Variants in RBFOX1 observed in about 807,000 individuals in gnomAD.
RBFOX1 encodes RNA binding protein fox-1 homolog 1.
RBFOX1 carries 8 observed loss-of-function variants against 57.7 expected under a neutral mutation model. The observed-to-expected ratio is 0.14, with a 90% confidence interval of 0.08 to 0.25. The LOEUF (loss-of-function observed/expected upper bound fraction) is 0.25. RBFOX1 is among the 10% of genes least tolerant of loss of function. The probability of loss-of-function intolerance (pLI) is 1.00; values close to 1 mark genes in which losing one functional copy is unlikely to be tolerated. For synonymous variants in RBFOX1, 326 were observed against 222.4 expected (o/e 1.47, Z -4.15); for missense variants, 611 against 548.5 (o/e 1.11, Z -1.14).
At chr16:6,428,342 G>C (rs1036051294) in intron 2 of RBFOX1, among the ~76,000 whole-genome samples, 2 of 146,934 alleles carry the variant, frequency 1.4e-5, no homozygotes, top group East Asian at 2.0e-4. Context: ...TCCATACATT[G>C]ACTATTACCA....
chr16:5,697,469 C>A (rs1036570944), intron 3 of RBFOX1, among the ~76,000 whole-genome samples: 2 of 150,520 alleles, frequency 1.3e-5, no homozygotes, highest in Non-Finnish European at 3.0e-5. Flanking sequence ...ATTGCACGAG[C>A]TAGAGGACCA....
At chr16:6,297,130 A>T (rs1036604258) in intron 1 of RBFOX1, among the ~76,000 whole-genome samples, 1 of 152,154 alleles carries the variant, frequency 6.6e-6, no homozygotes, top group African/African-American at 2.4e-5. Context: ...GGTGAGGACC[A>T]CCAGAAGTCA....
chr16:5,275,616 G>A (rs2063121498), intron 1 of RBFOX1, among the ~76,000 whole-genome samples: 1 of 152,168 alleles, frequency 6.6e-6, no homozygotes, highest in African/African-American at 2.4e-5. Context: ...ACTGCCAAAA[G>A]CAGTTTACAA....
chr16:6,427,230 T>G (rs1325949462), intron 2 of RBFOX1, among the ~76,000 whole-genome samples: 1 of 152,246 alleles, frequency 6.6e-6, no homozygotes, highest in African/African-American at 2.4e-5. Flanking sequence ...TGGAATGTGC[T>G]TCTGCCCTCT....
intron 13 of RBFOX1, among the ~76,000 whole-genome samples, chr16:7,675,151 T>G (rs1049548437): frequency 4.6e-5 from 7 of 152,200 alleles, no homozygotes; most frequent in Admixed American, 1.3e-4. Context: ...TGTATCTTTC[T>G]GTGAACTTTA....
chr16:6,382,685 C>T (rs1355943814), intron 2 of RBFOX1, among the ~76,000 whole-genome samples: 1 of 152,080 alleles, frequency 6.6e-6, no homozygotes, highest in Non-Finnish European at 1.5e-5. Context: ...CCTGGTGAAA[C>T]CCCATCTTTA....
At chr16:7,283,376 A>C (rs1279717812) in intron 4 of RBFOX1, among the ~76,000 whole-genome samples, 2 of 152,070 alleles carry the variant, frequency 1.3e-5, no homozygotes, top group African/African-American at 2.4e-5. Flanking sequence ...TTGAACCAGC[A>C]TGGATCAGTG....
At chr16:6,934,444 A>G (rs938745821) in intron 3 of RBFOX1, among the ~76,000 whole-genome samples, 19 of 152,188 alleles carry the variant, frequency 1.2e-4, no homozygotes, top group African/African-American at 4.3e-4. Context: ...TTGCAGCACT[A>G]CTTAAAATAG....
intron 1 of RBFOX1, among the ~76,000 whole-genome samples, chr16:5,292,270 G>T (rs2063553545): frequency 6.6e-6 from 1 of 152,212 alleles, no homozygotes; most frequent in Non-Finnish European, 1.5e-5. Context: ...TCATTTGAAA[G>T]ATCCCAGCAA....
At chr16:5,507,234 C>G (rs1370658317) in intron 2 of RBFOX1, among the ~76,000 whole-genome samples, 1 of 152,156 alleles carries the variant, frequency 6.6e-6, no homozygotes, top group African/African-American at 2.4e-5. Flanking sequence ...GCCACCATGA[C>G]TGTCATCACT....
At chr16:5,496,508 C>T (rs2151684891) in intron 2 of RBFOX1, among the ~76,000 whole-genome samples, 1 of 152,282 alleles carries the variant, frequency 6.6e-6, no homozygotes, top group Non-Finnish European at 1.5e-5. Context: ...CTTTCCTCAT[C>T]TCTCGGTCGT....
At chr16:7,255,287 C>T (rs376160996) in intron 4 of RBFOX1, among the ~76,000 whole-genome samples, 3 of 152,152 alleles carry the variant, frequency 2.0e-5, no homozygotes, top group Non-Finnish European at 4.4e-5. Flanking sequence ...GTGCTATTTC[C>T]ATTCTATCAC....
chr16:7,051,520 C>A (rs2050075321), intron 3 of RBFOX1, among the ~76,000 whole-genome samples: 1 of 152,224 alleles, frequency 6.6e-6, no homozygotes, highest in Non-Finnish European at 1.5e-5. Context: ...GGATTGGCTT[C>A]ACAATTCTCC....
chr16:5,846,383 GT>G (rs1015407626), intron 3 of RBFOX1, among the ~76,000 whole-genome samples: 1 of 150,432 alleles, frequency 6.6e-6, no homozygotes, highest in African/African-American at 2.4e-5. Flanking sequence ...GGAAAGGAAG[GT>G]AACTTCTATT....
At chr16:7,044,727 C>T (rs925181447) in intron 3 of RBFOX1, among the ~76,000 whole-genome samples, 1 of 152,074 alleles carries the variant, frequency 6.6e-6, no homozygotes, top group Non-Finnish European at 1.5e-5. Flanking sequence ...TGTTAGTTTC[C>T]AAATGAAATG....
chr16:5,955,391 TAAAATAAAATAAAATAAAATAA>T (rs1567188061), intron 4 of RBFOX1, among the ~76,000 whole-genome samples: 1,447 of 73,470 alleles, frequency 0.02, 73 homozygotes, highest in East Asian at 0.079. Flanking sequence ...TAAAATAAAA[TAAAATAAAATAAAATAAAATAA>T]AAGTCTTTCC....
chr16:7,366,025 C>G (rs1456622384), intron 4 of RBFOX1, among the ~76,000 whole-genome samples: 1 of 152,204 alleles, frequency 6.6e-6, no homozygotes, highest in Non-Finnish European at 1.5e-5. Context: ...GTGTCAGAAA[C>G]TCCCAGGGAA....
chr16:6,464,264 A>G (rs965932361), intron 2 of RBFOX1, among the ~76,000 whole-genome samples: 2 of 152,198 alleles, frequency 1.3e-5, no homozygotes, highest in Admixed American at 6.5e-5. Context: ...AAACAAAAAA[A>G]ATCATATATT....
At chr16:6,120,583 G>C (rs1567503787) in intron 1 of RBFOX1, among the ~76,000 whole-genome samples, 1 of 152,126 alleles carries the variant, frequency 6.6e-6, no homozygotes, top group Non-Finnish European at 1.5e-5. Flanking sequence ...CCTACCCCGT[G>C]TTTGTTATAT....
Sources: gnomAD v4.1 joint callset for allele counts (sites outside exome capture counted in the v4.1 genomes callset) on GRCh38, gnomAD v4.1.1 for gene constraint, MANE v1.5 for transcripts, NCBI Gene and HGNC (gene_info 2026-07-23, HGNC 2026-07-21) for gene names.